Variants in RXFP2 observed in about 807,000 individuals in gnomAD.
The protein encoded by RXFP2 is relaxin family peptide receptor 2, also known as relaxin receptor 2.
In RXFP2, 68 loss-of-function variants were observed where a neutral mutation model predicts 88.6. The observed-to-expected ratio is 0.77, with a 90% CI of 0.63 to 0.94. The LOEUF is 0.94. Ranked by LOEUF, RXFP2 falls within the 40% of genes least tolerant of loss-of-function variation. RXFP2 has a pLI of 0.00. For synonymous variants in RXFP2, 329 were observed against 306.8 expected (o/e 1.07, Z -0.76); for missense variants, 791 against 893.9 (o/e 0.88, Z 1.47).
In RXFP2 at chr13:31,778,527, C is replaced by T. The variant is rs1873101300; in HGVS notation, c.729C>T (p.Asn243=). ...NSLFFLSMVN[N]YLEALPKQMC... ...TTGTGTAAAGGTCTATGGTTAATAA[C>T]TACTTAGAAGCTCTTCCCAAGCAGA... Residue 243 remains asparagine (N), a synonymous_variant, in exon 9 of 18, where the codon AAC becomes AAT. Transcript: ENST00000298386. 1.2e-6 allele frequency: 2 copies of T among 1,608,512 alleles called. No homozygotes were observed. The highest frequency in any genetic ancestry group is 1.7e-6 in the Non-Finnish European group (2 of 1,175,112).
At chr13:31,773,951 G>A (rs1872825358) in intron 5 of RXFP2, among the ~76,000 whole-genome samples, 1 of 152,158 alleles carries the variant, frequency 6.6e-6, no homozygotes, top group Non-Finnish European at 1.5e-5. Context: ...ACTTCCCATT[G>A]TACAATGAAG....
Position 31,754,456 on chromosome 13 carries a change from G to A in RXFP2, c.95-3802G>A, listed in dbSNP as rs562208484. ...TGAGACAGGAGAATTGCTTAAACCC[G>A]GGAGGGGGAGGTTTCAGTGAGCCGA... is the stretch of plus-strand genomic sequence containing the variant. On this transcript the variant is annotated intron_variant, in intron 1 of 17. Coordinates refer to ENST00000298386, the MANE Select transcript of RXFP2 (RefSeq NM_130806.5). 2.2e-4 allele frequency among the ~76,000 whole-genome samples: 34 copies of A among 152,206 alleles called. 1 individual carries two copies. The highest frequency in any genetic ancestry group is 4.3e-4 in the African/African-American group (18 of 41,542).
intron 7 of RXFP2, among the ~76,000 whole-genome samples, chr13:31,776,277 A>T: frequency 1.2e-5 from 1 of 86,818 alleles, no homozygotes; most frequent in East Asian, 3.3e-4. Context: ...TTTTTTTGAG[A>T]CAGGGTGTCA....
intron 17 of RXFP2, among the ~76,000 whole-genome samples, chr13:31,799,811 T>C (rs949495568): frequency 2.0e-5 from 3 of 152,138 alleles, no homozygotes; most frequent in Non-Finnish European, 4.4e-5. Context: ...AAGTCCAAGA[T>C]CAAAGTGTCA....
At chr13:31,791,721 C>A (rs538581345) in intron 14 of RXFP2, 85 bp from the exon 15 acceptor site, 8 of 891,670 alleles carry the variant, frequency 9.0e-6, no homozygotes, top group Non-Finnish European at 1.5e-5. Flanking sequence ...GTATACCTAG[C>A]ATGGAGTTGC....
intron 1 of RXFP2, among the ~76,000 whole-genome samples, chr13:31,746,029 C>G (rs1341021198): frequency 6.6e-6 from 1 of 152,200 alleles, no homozygotes; most frequent in African/African-American, 2.4e-5. Context: ...GTTTGGCCTT[C>G]GGCATACCAA....
rs956099565 is a variant in RXFP2, at chr13:31,751,376, G to A, written c.95-6882G>A. ...ATGCAGAGTCTGAGAAAGCAAGGTC[G>A]AGGTGAGCACAGAACATAGATGGAA... is the stretch of plus-strand genomic sequence containing the variant. On this transcript the variant is annotated intron_variant, in intron 1 of 17. Coordinates refer to ENST00000298386, the MANE Select transcript of RXFP2 (RefSeq NM_130806.5). Among the ~76,000 whole-genome samples the A allele has an allele frequency of 3.7e-4, 57 of 152,208 alleles. 1 individual carries two copies. Among genetic ancestry groups the A allele is most frequent in the Admixed American group, 3.3e-4 (5 of 15,276 alleles).
chr13:31,771,331 G>A (rs1872728043), intron 5 of RXFP2, among the ~76,000 whole-genome samples: 1 of 152,202 alleles, frequency 6.6e-6, no homozygotes, highest in Non-Finnish European at 1.5e-5. Context: ...GCAAAGCTGA[G>A]CTCTGCCTCC....
At chr13:31,751,796 T>C (rs544696492) in intron 1 of RXFP2, among the ~76,000 whole-genome samples, 7 of 152,304 alleles carry the variant, frequency 4.6e-5, no homozygotes, top group African/African-American at 1.7e-4. Context: ...CCCCTTTCCA[T>C]GGTCTTCTCC....
intron 9 of RXFP2, among the ~76,000 whole-genome samples, chr13:31,779,099 C>T (rs1314468540): frequency 1.3e-5 from 2 of 150,246 alleles, no homozygotes; most frequent in Admixed American, 6.7e-5. Flanking sequence ...TCTCAGGGTA[C>T]TATCACCATA....
chr13:31,740,252 T>G (rs1032030233), intron 1 of RXFP2, among the ~76,000 whole-genome samples: 2 of 152,116 alleles, frequency 1.3e-5, no homozygotes, highest in African/African-American at 4.8e-5. Flanking sequence ...CTTTTGTTTT[T>G]AATTTGTGGA....
chr13:31,750,197 C>T (rs978430209), intron 1 of RXFP2, among the ~76,000 whole-genome samples: 2 of 152,112 alleles, frequency 1.3e-5, no homozygotes, highest in Non-Finnish European at 2.9e-5. Context: ...CGTTTTCTCA[C>T]ACATGGTTCA....
At position 31,802,187 on chromosome 13, in the gene RXFP2, A is replaced by T; in HGVS notation, c.2047A>T (p.Asn683Tyr). The change falls in exon 18 of 18, where the codon AAC becomes TAC. Residue 683 changes from asparagine to tyrosine, a missense_variant. Physicochemically the swap from Asn to Tyr is moderately radical, Grantham distance 143 (BLOSUM62 -2). Transcript: ENST00000298386. ...SWIVIFFLPV[N>Y]SALNPILYTL... Reference sequence around the variant, plus strand: ...GATAGTGATTTTTTTCCTTCCAGTTAACAGTGCTTTGAATCCAATCCTCTA... The same window carrying T: ...GATAGTGATTTTTTTCCTTCCAGTTTACAGTGCTTTGAATCCAATCCTCTA... 6.2e-7 allele frequency: 1 copy of T among 1,614,022 alleles called. No individual in the cohort carries two copies. Among genetic ancestry groups the T allele is most frequent in the Non-Finnish European group, 8.5e-7 (1 of 1,179,950 alleles).
At position 31,742,536 on chromosome 13, in the gene RXFP2, G is replaced by T. The variant is rs560443603; in HGVS notation, c.94+2830G>T. ...AGGAGGAAAAAGATTGGGAACATGGGAGTTAAAACCTTTAGAGATGTGTTA... is the reference window on the plus strand; with the variant it reads ...AGGAGGAAAAAGATTGGGAACATGGTAGTTAAAACCTTTAGAGATGTGTTA... On this transcript the variant is annotated intron_variant, in intron 1 of 17. Coordinates refer to ENST00000298386, the MANE Select transcript of RXFP2 (RefSeq NM_130806.5). 3.9e-5 allele frequency among the ~76,000 whole-genome samples: 6 copies of T among 152,250 alleles called. No homozygotes were observed. The East Asian group carries it at 7.7e-4, about 20-fold the overall frequency.
intron 14 of RXFP2, among the ~76,000 whole-genome samples, chr13:31,790,945 A>G (rs1401064193): frequency 6.6e-6 from 1 of 152,168 alleles, no homozygotes; most frequent in Non-Finnish European, 1.5e-5. Flanking sequence ...GCAAGAGGCG[A>G]GGTGGTGCAG....
chr13:31,745,973 G>T (rs912422639), intron 1 of RXFP2, among the ~76,000 whole-genome samples: 1 of 152,200 alleles, frequency 6.6e-6, no homozygotes, highest in Non-Finnish European at 1.5e-5. Context: ...GCTGGATTTG[G>T]GGTCAGCAAA....
intron 17 of RXFP2, among the ~76,000 whole-genome samples, chr13:31,801,315 A>G (rs999163840): frequency 2.0e-5 from 3 of 151,994 alleles, no homozygotes; most frequent in Non-Finnish European, 2.9e-5. Context: ...CCAAAAAAGC[A>G]CATCAGCAGA....
rs530583803 is a variant in RXFP2, at chr13:31,763,612, A to C, written c.320-1425A>C. Among the ~76,000 whole-genome samples the C allele has an allele frequency of 7.3e-4, 96 of 131,002 alleles. No homozygotes were observed. The South Asian group carries it at 0.022, about 30-fold the overall frequency. The allele number at this position is 131,002 out of a possible 152,430, so 85.9% of individuals were successfully genotyped here. A position where few individuals can be genotyped will look rare whatever the true frequency, so the allele number is the denominator to read the frequency against. On this transcript the variant is annotated intron_variant, in intron 3 of 17. Coordinates refer to ENST00000298386, the MANE Select transcript of RXFP2 (RefSeq NM_130806.5). ...CCAATCCCCAGAAAATGCCATTGAG[A>C]AGATTGAGGTAGAGAGAGATGCAAA...
At chr13:31,756,930 T>C (rs997003715) in intron 1 of RXFP2, among the ~76,000 whole-genome samples, 5 of 152,036 alleles carry the variant, frequency 3.3e-5, no homozygotes, top group African/African-American at 1.2e-4. Context: ...GGACTCTTTT[T>C]AAAAAAAACA....
Sources: gnomAD v4.1 joint callset for allele counts (sites outside exome capture counted in the v4.1 genomes callset) on GRCh38, gnomAD v4.1.1 for gene constraint, MANE v1.5 for transcripts, NCBI Gene and HGNC (gene_info 2026-07-23, HGNC 2026-07-21) for gene names.